The following NBPF8 variants were observed in gnomAD, a reference collection of about 807,000 sequenced individuals.
The protein encoded by NBPF8 is NBPF member 8.
chr1:120,436,456 A>T, exon 1 of NBPF8: 1 of 1,198,660 alleles, frequency 8.3e-7, no homozygotes, highest in South Asian at 1.2e-5. Flanking sequence ...CCAGTTTTTA[A>T]CCCATCATAT....
upstream of NBPF8, among the ~76,000 whole-genome samples, chr1:120,418,781 C>A (rs1412066668): frequency 1.1e-4 from 16 of 147,860 alleles, no homozygotes; most frequent in African/African-American, 4.1e-4. Context: ...CTCCTGGGCT[C>A]AAATGACCCT....
chr1:120,436,389 A>T lies in NBPF8; in HGVS notation n.37A>T. ...AGTGATCACATTTTTCACAACAGTA[A>T]GGTAAGAATTTCAGTTACTGACATC... is the stretch of plus-strand genomic sequence containing the variant. On this transcript the variant is annotated non_coding_transcript_exon_variant, in exon 1 of 25. The change creates a new upstream start codon in the 5' untranslated region. Coordinates refer to ENST00000583271, the Ensembl canonical transcript of NBPF8. The T allele has an allele frequency of 2.7e-6, 4 of 1,455,402 alleles. No homozygotes were observed. The South Asian group carries it at 3.7e-5, about 14-fold the overall frequency. 90.2% of individuals were successfully genotyped at this position (1,455,402 alleles called of 1,614,324 possible).
chr1:120,433,269 T>C (rs1277366319), upstream of NBPF8: 1 of 152,368 alleles, frequency 6.6e-6, no homozygotes, highest in Non-Finnish European at 1.5e-5. Context: ...GTTGGAGGAC[T>C]TACTCTGCTA....
At chr1:120,452,658 G>A (rs2101679651) in intron 13 of NBPF8, among the ~76,000 whole-genome samples, 2 of 152,376 alleles carry the variant, frequency 1.3e-5, no homozygotes, top group Admixed American at 1.3e-4. Context: ...AAGAATGAAG[G>A]TTCCCAGGCT....
At chr1:120,466,136 C>T (rs1285538199) in exon 25 of NBPF8, 5 of 1,610,388 alleles carry the variant, frequency 3.1e-6, no homozygotes, top group Non-Finnish European at 3.4e-6. Context: ...ATCAGCTTTG[C>T]CCTTGACATG....
At chr1:120,418,473 C>A (rs1209343688), upstream of NBPF8, among the ~76,000 whole-genome samples, 8 of 144,990 alleles carry the variant, frequency 5.5e-5, no homozygotes, top group Admixed American at 2.1e-4. Flanking sequence ...CCTAAATAAG[C>A]GTTAAGCCAT....
chr1:120,450,355 T>A (rs1192823075), intron 11 of NBPF8, among the ~76,000 whole-genome samples: 64 of 151,948 alleles, frequency 4.2e-4, no homozygotes, highest in Middle Eastern at 3.4e-3. Context: ...CACCCGAGAA[T>A]GTGTGGAGAT....
chr1:120,466,037 G>C (rs1371938119), exon 25 of NBPF8: 4 of 1,611,866 alleles, frequency 2.5e-6, no homozygotes, highest in South Asian at 1.1e-5. Flanking sequence ...TCACTGGATA[G>C]ATGTTATTCG....
intron 3 of NBPF8, among the ~76,000 whole-genome samples, chr1:120,428,720 G>A (rs1438734646): frequency 6.6e-6 from 1 of 150,970 alleles, no homozygotes; most frequent in Non-Finnish European, 1.5e-5. Flanking sequence ...CTATTCTCTT[G>A]CACGTTCCCT....
Position 120,464,347 on chromosome 1 carries a change from G to T in NBPF8, n.3287-29G>T, listed in dbSNP as rs1297219635. The T allele has an allele frequency of 9.8e-4, 763 of 779,214 alleles. 11 individuals are homozygous for T. In the East Asian group the frequency reaches 0.014, roughly 14 times the overall value. 48.3% of individuals were successfully genotyped at this position (779,214 alleles called of 1,614,324 possible). On this transcript the variant is annotated intron_variant and non_coding_transcript_variant, in intron 22 of 24. Coordinates refer to ENST00000583271, the Ensembl canonical transcript of NBPF8. ...TCTGTTGTGTCTGATTTCCCCTGGC[G>T]TATTCTTTACTTTTTCCTCCTTTTC...
At chr1:120,431,723 A>C (rs1660886213), upstream of NBPF8, among the ~76,000 whole-genome samples, 1 of 151,730 alleles carries the variant, frequency 6.6e-6, no homozygotes, top group Non-Finnish European at 1.5e-5. Context: ...CAGTTTCTTA[A>C]AGGTTAAACA....
At chr1:120,415,070 T>C (rs1553244859), upstream of NBPF8, among the ~76,000 whole-genome samples, 20 of 152,132 alleles carry the variant, frequency 1.3e-4, no homozygotes, top group South Asian at 3.9e-3. Flanking sequence ...GCTCAGGCTA[T>C]GGGCTGGGCG....
upstream of NBPF8, among the ~76,000 whole-genome samples, chr1:120,431,391 TA>T (rs1407596868): frequency 3.2e-5 from 2 of 62,558 alleles, no homozygotes; most frequent in Non-Finnish European, 6.9e-5. Flanking sequence ...TATATATATA[TA>T]TATATATATA....
rs1369433666 is a variant in NBPF8 at position 120,424,141 on chromosome 1, C to T, written n.270-1606C>T. On this transcript the variant is annotated intron_variant and non_coding_transcript_variant, in intron 1 of 28. Coordinates refer to the NBPF8 transcript ENST00000652355. ...CATGACTGGGTCTGAATAAAATAAA[C>T]ATTTGGAAAGCAGATTTCATTATAT... Among the ~76,000 whole-genome samples the T allele has an allele frequency of 1.5e-3, 227 of 152,260 alleles. 2 individuals carry two copies. In the Middle Eastern group the frequency reaches 0.02, roughly 14 times the overall value.
chr1:120,427,645 TC>T (rs1660759661), intron 2 of NBPF8, among the ~76,000 whole-genome samples, 60 bp from the exon 3 acceptor site: 1 of 95,960 alleles, frequency 1.0e-5, no homozygotes, highest in Non-Finnish European at 2.1e-5. Flanking sequence ...TAAGAAAGTG[TC>T]TCATTGGTAA....
chr1:120,418,800 G>C (rs1660494798), upstream of NBPF8, among the ~76,000 whole-genome samples: 1 of 149,400 alleles, frequency 6.7e-6, no homozygotes, highest in African/African-American at 2.5e-5. Flanking sequence ...CTCCCACCTT[G>C]GCATCTCAAA....
intron 3 of NBPF8, among the ~76,000 whole-genome samples, chr1:120,430,995 TCTAC>T (rs1660859779): frequency 6.6e-6 from 1 of 151,204 alleles, no homozygotes; most frequent in Non-Finnish European, 1.5e-5. Flanking sequence ...ACAAGATGAT[TCTAC>T]CATTTATATG....
At chr1:120,454,037 A>C (rs1274177083) in exon 15 of NBPF8, 1 of 1,613,050 alleles carries the variant, frequency 6.2e-7, no homozygotes, top group African/African-American at 1.3e-5. Context: ...ATCACATTTG[A>C]GGAAGACAAA....
At chr1:120,434,243 A>T (rs1661000560), upstream of NBPF8, among the ~76,000 whole-genome samples, 1 of 147,940 alleles carries the variant, frequency 6.8e-6, no homozygotes, top group East Asian at 1.9e-4. Flanking sequence ...TATATATAAT[A>T]TATATACACG....
Sources: gnomAD v4.1 joint callset for allele counts (sites outside exome capture counted in the v4.1 genomes callset) on GRCh38, gnomAD v4.1.1 for gene constraint, MANE v1.5 for transcripts, NCBI Gene and HGNC (gene_info 2026-07-23, HGNC 2026-07-21) for gene names.